The following CTNNBIP1 variants were observed in gnomAD, a reference collection of about 807,000 sequenced individuals.
CTNNBIP1 encodes the protein beta-catenin-interacting protein 1.
A neutral mutation model predicts 11.8 loss-of-function variants in CTNNBIP1; 7 were observed. The observed-to-expected ratio is 0.60, with a 90% confidence interval of 0.34 to 1.12. The LOEUF (loss-of-function observed/expected upper bound fraction) is 1.12, where lower values mean the gene tolerates loss of function less well. CTNNBIP1 is among the 50% of genes most tolerant of loss of function. CTNNBIP1 has a pLI of 0.03. For synonymous variants in CTNNBIP1, 58 were observed against 43.9 expected (o/e 1.32, Z -1.26); for missense variants, 101 against 113.4 (o/e 0.89, Z 0.50).
chr1:9,889,266 G>A (rs1570590052), intron 1 of CTNNBIP1, among the ~76,000 whole-genome samples: 3 of 152,306 alleles, frequency 2.0e-5, no homozygotes, highest in African/African-American at 7.2e-5. Flanking sequence ...CTCTACAGCC[G>A]TGGCTCTCAA....
At chr1:9,902,861 G>A (rs546217912) in intron 1 of CTNNBIP1, among the ~76,000 whole-genome samples, 23 of 151,916 alleles carry the variant, frequency 1.5e-4, no homozygotes, top group African/African-American at 4.1e-4. Flanking sequence ...CGCCTCCAGC[G>A]TTCAAGCAAT....
intron 1 of CTNNBIP1, among the ~76,000 whole-genome samples, chr1:9,894,905 ATTTT>A (rs1175181254): frequency 9.8e-6 from 1 of 102,212 alleles, no homozygotes. Context: ...ATGCCTGGCT[ATTTT>A]TTTTTTTTTT....
At chr1:9,909,850 G>A (rs1418704486) in intron 1 of CTNNBIP1, among the ~76,000 whole-genome samples, 1 of 152,092 alleles carries the variant, frequency 6.6e-6, no homozygotes, top group Non-Finnish European at 1.5e-5. Context: ...AAGGTGGGCG[G>A]CGCGGACACC....
chr1:9,857,297 G>C (rs551365327), intron 5 of CTNNBIP1, among the ~76,000 whole-genome samples: 6 of 151,226 alleles, frequency 4.0e-5, no homozygotes, highest in South Asian at 4.2e-4. Context: ...TGGCTAACAC[G>C]GTGAAACCCT....
intron 3 of CTNNBIP1, among the ~76,000 whole-genome samples, chr1:9,877,604 T>C (rs966007078): frequency 6.6e-6 from 1 of 152,344 alleles, no homozygotes; most frequent in African/African-American, 2.4e-5. Flanking sequence ...ATTTACACTT[T>C]CATGATGTTT....
intron 1 of CTNNBIP1, among the ~76,000 whole-genome samples, chr1:9,905,825 C>A (rs1557769544): frequency 6.6e-6 from 1 of 152,192 alleles, no homozygotes; most frequent in South Asian, 2.1e-4. Flanking sequence ...CTCTTAAAGA[C>A]CGTGTTCTTG....
At chr1:9,857,214 C>T (rs984804999) in intron 5 of CTNNBIP1, among the ~76,000 whole-genome samples, 7 of 152,150 alleles carry the variant, frequency 4.6e-5, no homozygotes, top group Admixed American at 1.3e-4. Flanking sequence ...GGCGCGGTGG[C>T]TCACGCCTGT....
At chr1:9,908,035 T>C (rs2083577) in intron 1 of CTNNBIP1, among the ~76,000 whole-genome samples, 26,969 of 152,150 alleles carry the variant, frequency 0.18, 2,467 homozygotes, top group South Asian at 0.21. Flanking sequence ...ACCTACAAAA[T>C]CTTTGTTTTG....
chr1:9,901,420 A>G (rs1285910573), intron 1 of CTNNBIP1, among the ~76,000 whole-genome samples: 2 of 152,154 alleles, frequency 1.3e-5, no homozygotes, highest in Non-Finnish European at 2.9e-5. Context: ...GAGGTGTTTG[A>G]TCCACAAGGG....
rs569924170 is a variant in CTNNBIP1, at chr1:9,868,190, G to A, written c.187+2997C>T. 4.7e-4 allele frequency among the ~76,000 whole-genome samples: 72 copies of A among 152,318 alleles called. No individual in the cohort carries two copies. The East Asian group carries it at 0.012, about 26-fold the overall frequency. ...TTTATGGAGGTAGGGGCAGTCCACAGGGCGCCCCAGCAGCAGGGAGTGACT... is the reference window on the plus strand; with the variant it reads ...TTTATGGAGGTAGGGGCAGTCCACAAGGCGCCCCAGCAGCAGGGAGTGACT... On this transcript the variant is annotated intron_variant, in intron 5 of 5. Transcript: ENST00000377263.
At chr1:9,891,614 C>T (rs1399433288) in intron 1 of CTNNBIP1, among the ~76,000 whole-genome samples, 2 of 152,072 alleles carry the variant, frequency 1.3e-5, no homozygotes, top group Admixed American at 1.3e-4. Flanking sequence ...CAGGTGCAGC[C>T]TCCTGGGGAA....
At chr1:9,861,879 A>G (rs1383829659) in intron 5 of CTNNBIP1, among the ~76,000 whole-genome samples, 1 of 152,210 alleles carries the variant, frequency 6.6e-6, no homozygotes, top group African/African-American at 2.4e-5. Context: ...TCATCTGTAC[A>G]ACGTGATGAA....
intron 1 of CTNNBIP1, among the ~76,000 whole-genome samples, chr1:9,902,655 T>A (rs1163761439): frequency 1.3e-5 from 2 of 152,238 alleles, no homozygotes. Flanking sequence ...ACTCTCCTCC[T>A]AAGAGTTCAA....
chr1:9,892,420 TAA>T (rs764342054), intron 1 of CTNNBIP1, among the ~76,000 whole-genome samples: 42 of 112,264 alleles, frequency 3.7e-4, no homozygotes, highest in Admixed American at 6.5e-4. Context: ...AGACTCCGTC[TAA>T]AAAAAAAAAA....
At chr1:9,876,260 C>A (rs1375018742) in intron 3 of CTNNBIP1, among the ~76,000 whole-genome samples, 5 of 152,152 alleles carry the variant, frequency 3.3e-5, no homozygotes, top group African/African-American at 1.2e-4. Flanking sequence ...GGCGCTTCCA[C>A]TCCAAATCCT....
chr1:9,904,836 T>C (rs1639587435), intron 1 of CTNNBIP1, among the ~76,000 whole-genome samples: 1 of 152,142 alleles, frequency 6.6e-6, no homozygotes, highest in South Asian at 2.1e-4. Context: ...TGCTAAGCAC[T>C]GGCAACATTC....
At chr1:9,893,543 C>T (rs192395252) in intron 1 of CTNNBIP1, among the ~76,000 whole-genome samples, 3 of 152,274 alleles carry the variant, frequency 2.0e-5, no homozygotes, top group Admixed American at 2.0e-4. Flanking sequence ...GGAGTCTTTA[C>T]AAGCCCATAT....
At chr1:9,864,368 G>C (rs1323090819) in intron 5 of CTNNBIP1, among the ~76,000 whole-genome samples, 3 of 152,160 alleles carry the variant, frequency 2.0e-5, no homozygotes, top group South Asian at 2.1e-4. Context: ...TCGCTCTGTC[G>C]CCCAGGCTGG....
At chr1:9,879,684 C>T (rs1411344827) in intron 2 of CTNNBIP1, among the ~76,000 whole-genome samples, 1 of 152,208 alleles carries the variant, frequency 6.6e-6, no homozygotes, top group African/African-American at 2.4e-5. Context: ...CAAGTCCCCA[C>T]ATTCTTTCAA....
Sources: gnomAD v4.1 joint callset for allele counts (sites outside exome capture counted in the v4.1 genomes callset) on GRCh38, gnomAD v4.1.1 for gene constraint, MANE v1.5 for transcripts, NCBI Gene and HGNC (gene_info 2026-07-23, HGNC 2026-07-21) for gene names.